The following POGZ variants were observed in gnomAD, a reference collection of about 807,000 sequenced individuals.
The protein encoded by POGZ is pogo transposable element derived with ZNF domain.
A neutral mutation model predicts 134.6 loss-of-function variants in POGZ; 17 were observed. The ratio of observed to expected loss-of-function variants is 0.13; its 90% confidence interval spans 0.09 to 0.19. The LOEUF (loss-of-function observed/expected upper bound fraction) is 0.19, where lower values mean the gene tolerates loss of function less well. Among genes scored for constraint, POGZ ranks in the 10% least tolerant of loss-of-function variants. POGZ has a pLI of 1.00. For missense variants in POGZ, 1,306 were observed against 1,769.7 expected, an observed-to-expected ratio of 0.74 and a Z score of 4.70; for synonymous variants, 693 against 657.1, an observed-to-expected ratio of 1.05 and a Z score of -0.84.
At chr1:151,444,736 G>C (rs750986762) in intron 1 of POGZ, among the ~76,000 whole-genome samples, 5 of 152,188 alleles carry the variant, frequency 3.3e-5, no homozygotes, top group Non-Finnish European at 7.3e-5. Flanking sequence ...AAGAGTTTCA[G>C]TTCTTTATTT....
intron 3 of POGZ, among the ~76,000 whole-genome samples, chr1:151,434,572 C>T (rs1411322405): frequency 6.6e-6 from 1 of 152,208 alleles, no homozygotes; most frequent in South Asian, 2.1e-4. Flanking sequence ...ATACTTCAGA[C>T]ATCACATGGT....
intron 7 of POGZ, chr1:151,426,390 ATTGGTCAGGCTGGTC>A (rs892507422): frequency 1.3e-5 from 2 of 151,740 alleles, no homozygotes; most frequent in African/African-American, 4.8e-5. Context: ...TTTCACCATT[ATTGGTCAGGCTGGTC>A]TTGGACTCCT....
chr1:151,407,772 G>A (rs1653913129), intron 15 of POGZ, among the ~76,000 whole-genome samples: 1 of 152,126 alleles, frequency 6.6e-6, no homozygotes, highest in Non-Finnish European at 1.5e-5. Context: ...ACTTTAGGGA[G>A]GCCGAGGCAG....
intron 10 of POGZ, among the ~76,000 whole-genome samples, chr1:151,418,987 C>T (rs9660129): frequency 1.5e-5 from 2 of 129,978 alleles, no homozygotes; most frequent in Admixed American, 9.4e-5. Flanking sequence ...ATTGTGCCAC[C>T]GTACTCCAGC....
chr1:151,420,377 C>T (rs6699878), intron 10 of POGZ, among the ~76,000 whole-genome samples: 3,153 of 152,110 alleles, frequency 0.021, 102 homozygotes, highest in African/African-American at 0.072. Flanking sequence ...AGTGCAGTGG[C>T]GTGATCATGG....
At chr1:151,413,415 A>T (rs1655032921) in intron 10 of POGZ, among the ~76,000 whole-genome samples, 1 of 152,060 alleles carries the variant, frequency 6.6e-6, no homozygotes, top group Non-Finnish European at 1.5e-5. Flanking sequence ...GGTGTGAGCC[A>T]GTGCACCGGC....
At chr1:151,458,780 C>G (rs1663108647) in intron 1 of POGZ, among the ~76,000 whole-genome samples, 1 of 144,656 alleles carries the variant, frequency 6.9e-6, no homozygotes, top group South Asian at 2.2e-4. Flanking sequence ...GTGTGGACGT[C>G]GGGCTGTGTG....
chr1:151,449,957 AT>A (rs1331950141), intron 1 of POGZ, among the ~76,000 whole-genome samples: 1 of 151,348 alleles, frequency 6.6e-6, no homozygotes, highest in Non-Finnish European at 1.5e-5. Flanking sequence ...TATGTTAAAA[AT>A]TTTTTTATAA....
At position 151,459,196 on chromosome 1, in the gene POGZ, C is replaced by A. The variant is rs1663216160; in HGVS notation, c.-46G>T. 6.7e-6 allele frequency: 1 copy of A among 149,998 alleles called. No individual in the cohort carries two copies. The allele number at this position is 149,998 out of a possible 1,614,324, so 9.3% of individuals were successfully genotyped here. ...CGGTAGTCTGACCCGAGGAAGGCGC[C>A]GTCGCCTTAAAGGGACCTTACACCC... On this transcript the variant is annotated 5_prime_UTR_variant, in exon 1 of 19. Transcript: ENST00000271715.
intron 3 of POGZ, among the ~76,000 whole-genome samples, chr1:151,432,479 A>G (rs1183982632): frequency 6.6e-6 from 1 of 152,180 alleles, no homozygotes; most frequent in Non-Finnish European, 1.5e-5. Flanking sequence ...TAGATAAATA[A>G]AACAGAAAAT....
Position 151,408,520 on chromosome 1 carries a change from G to A in POGZ, c.2123C>T (p.Pro708Leu), listed in dbSNP as rs1236168792. 2.5e-6 allele frequency: 4 copies of A among 1,598,170 alleles called. No homozygotes were observed. The highest frequency in any genetic ancestry group is 3.4e-6 in the Non-Finnish European group (4 of 1,175,968). The change falls in exon 14 of 19, where the codon CCT (proline) becomes CTT (leucine). Residue 708 changes from proline to leucine, a missense_variant. By Grantham distance (98) the Pro-to-Leu change is moderately conservative. Coordinates refer to ENST00000271715, the MANE Select transcript of POGZ (RefSeq NM_015100.4). The part of the protein sequence containing the change: ...RTVPVSSNDT[P>L]PSALQEAAPL... ...TGCTGCCTCCTGCAAGGCGCTGGGA[G>A]GTGTATCATTAGAGGATACAGGAAC...
At chr1:151,458,614 G>T (rs1419905283) in intron 1 of POGZ, among the ~76,000 whole-genome samples, 4 of 136,184 alleles carry the variant, frequency 2.9e-5, no homozygotes, top group Admixed American at 2.2e-4. Context: ...GCCGCCGCCC[G>T]CCCCTCCGCC....
intron 1 of POGZ, among the ~76,000 whole-genome samples, chr1:151,446,851 C>T (rs921395851): frequency 1.2e-4 from 18 of 150,360 alleles, no homozygotes; most frequent in Admixed American, 1.1e-3. Context: ...TCATACGAGT[C>T]TCTGAATCAA....
intron 13 of POGZ, 23 bp downstream of exon 13, chr1:151,408,671 A>C: frequency 2.5e-6 from 4 of 1,611,022 alleles, no homozygotes; most frequent in Non-Finnish European, 3.4e-6. Flanking sequence ...TGGGCCTATA[A>C]AAGACACTGG....
intron 5 of POGZ, among the ~76,000 whole-genome samples, chr1:151,429,164 AAACT>A (rs1328264185): frequency 1.3e-5 from 2 of 152,012 alleles, no homozygotes; most frequent in East Asian, 3.8e-4. Context: ...TTAAAAAAAA[AAACT>A]ATCTAGTCAT....
intron 1 of POGZ, among the ~76,000 whole-genome samples, chr1:151,458,601 T>TCCG (rs931774574): frequency 5.6e-5 from 8 of 142,802 alleles, no homozygotes; most frequent in South Asian, 2.2e-4. Context: ...CAGGGGCCGC[T>TCCG]CCGCCGCCGC....
chr1:151,415,737 GAAT>G (rs1161285044), intron 10 of POGZ, among the ~76,000 whole-genome samples: 3 of 151,110 alleles, frequency 2.0e-5, no homozygotes, highest in Non-Finnish European at 4.4e-5. Flanking sequence ...TGGAAAACAG[GAAT>G]AATAACTAAC....
Position 151,428,102 on chromosome 1 carries a change from TCTC to T in POGZ, c.859+18_859+20del. The T allele has an allele frequency of 6.2e-7, 1 of 1,613,596 alleles. No homozygotes were observed. Among genetic ancestry groups the T allele is most frequent in the South Asian group, 1.1e-5 (1 of 91,080 alleles). ...CCACCATCCCAACCTGGCTCTGCCA[TCTC>T]CTCTTCCGAAGCCTTACCTAGCTTG... On this transcript the variant is annotated intron_variant, in intron 6 of 18. Coordinates refer to ENST00000271715, the MANE Select transcript of POGZ (RefSeq NM_015100.4).
At chr1:151,419,824 A>C (rs567700200) in intron 10 of POGZ, among the ~76,000 whole-genome samples, 1 of 152,158 alleles carries the variant, frequency 6.6e-6, no homozygotes, top group Non-Finnish European at 1.5e-5. Flanking sequence ...AGACTCAAAA[A>C]TTAAGTCAGG....
Sources: gnomAD v4.1 joint callset for allele counts (sites outside exome capture counted in the v4.1 genomes callset) on GRCh38, gnomAD v4.1.1 for gene constraint, MANE v1.5 for transcripts, NCBI Gene and HGNC (gene_info 2026-07-23, HGNC 2026-07-21) for gene names.